FILIP1: variants seen among roughly 807,000 people sequenced by gnomAD.
FILIP1 encodes filamin A interacting protein 1.
FILIP1 carries 61 observed loss-of-function variants against 102.1 expected under a neutral mutation model. The ratio of observed to expected loss-of-function variants is 0.60; its 90% confidence interval spans 0.49 to 0.74. FILIP1 has a LOEUF of 0.74. Ranked by LOEUF, FILIP1 falls within the 30% of genes least tolerant of loss-of-function variation. FILIP1 has a pLI of 0.00. For synonymous variants in FILIP1, 491 were observed against 526.9 expected (o/e 0.93, Z 0.93); for missense variants, 1,314 against 1,441.2 (o/e 0.91, Z 1.43).
intron 2 of FILIP1, among the ~76,000 whole-genome samples, chr6:75,412,212 CTGTT>C (rs749925065): frequency 2.6e-5 from 4 of 152,128 alleles, no homozygotes; most frequent in Non-Finnish European, 4.4e-5. Flanking sequence ...ATTTGACTCT[CTGTT>C]TGTCTATTAT....
intron 1 of FILIP1, among the ~76,000 whole-genome samples, chr6:75,441,640 G>A (rs1395200433): frequency 6.8e-6 from 1 of 147,932 alleles, no homozygotes; most frequent in Admixed American, 6.6e-5. Context: ...CCCGGACGGG[G>A]CGGCTGGCCG....
intron 5 of FILIP1, among the ~76,000 whole-genome samples, chr6:75,311,209 GT>G (rs1239994863): frequency 1.3e-5 from 2 of 152,060 alleles, no homozygotes; most frequent in East Asian, 3.9e-4. Flanking sequence ...TTGAGACACG[GT>G]CTCACTCTGT....
intron 2 of FILIP1, among the ~76,000 whole-genome samples, chr6:75,380,907 T>C (rs767628001): frequency 5.9e-5 from 9 of 152,196 alleles, no homozygotes; most frequent in Admixed American, 3.3e-4. Context: ...GGTAGAATTA[T>C]GGATGATTAT....
intron 6 of FILIP1, among the ~76,000 whole-genome samples, chr6:75,298,491 A>G (rs778739470): frequency 7.2e-5 from 11 of 152,242 alleles, no homozygotes; most frequent in Admixed American, 3.3e-4. Context: ...TACTGGCTCT[A>G]TTAATTGAAA....
intron 1 of FILIP1, among the ~76,000 whole-genome samples, 159 bp downstream of exon 1, chr6:75,493,255 A>G (rs902395804): frequency 6.6e-6 from 1 of 152,248 alleles, no homozygotes; most frequent in South Asian, 2.1e-4. Flanking sequence ...TGACTTTTTA[A>G]AAATAATTCA....
At chr6:75,338,727 A>T (rs1774323992) in intron 4 of FILIP1, among the ~76,000 whole-genome samples, 1 of 152,212 alleles carries the variant, frequency 6.6e-6, no homozygotes, top group African/African-American at 2.4e-5. Flanking sequence ...CAGAATTCCC[A>T]GAGTTTTTTA....
chr6:75,414,908 GAGGGCTTGGGAC>G lies in FILIP1; in HGVS notation c.53_64del (p.Cys18_Pro21del). 2 of 1,613,818 alleles carry G rather than the reference GAGGGCTTGGGAC, an allele frequency of 1.2e-6. No homozygotes were observed. Among genetic ancestry groups the G allele is most frequent in the Non-Finnish European group, 1.7e-6 (2 of 1,179,860 alleles). ...TTTTTCACCAGCATTGCCGATGATG[GAGGGCTTGGGAC>G]AGGAGATATGCCCATCAGATGCACT... is the stretch of plus-strand genomic sequence containing the variant. On this transcript the variant is annotated inframe_deletion, in exon 2 of 6. Transcript: ENST00000237172.
At chr6:75,386,743 A>G (rs1482756919) in intron 2 of FILIP1, among the ~76,000 whole-genome samples, 4 of 152,172 alleles carry the variant, frequency 2.6e-5, no homozygotes, top group East Asian at 1.9e-4. Context: ...TGCAGCTGCT[A>G]AAGTGGAGGC....
chr6:75,370,010 G>T (rs1775462171), intron 2 of FILIP1, among the ~76,000 whole-genome samples: 1 of 152,176 alleles, frequency 6.6e-6, no homozygotes, highest in South Asian at 2.1e-4. Context: ...GCCAAAAGCT[G>T]TTGACTTTAA....
chr6:75,485,798 T>C (rs1779766844), intron 1 of FILIP1, among the ~76,000 whole-genome samples: 2 of 152,184 alleles, frequency 1.3e-5, no homozygotes, highest in South Asian at 2.1e-4. Flanking sequence ...CTGAAAAGCG[T>C]CAGGCAATTT....
chr6:75,390,781 C>A (rs1312993774), intron 2 of FILIP1, among the ~76,000 whole-genome samples: 4 of 152,168 alleles, frequency 2.6e-5, no homozygotes, highest in African/African-American at 9.7e-5. Flanking sequence ...ATGGGCCATT[C>A]AGTACCCCTG....
intron 4 of FILIP1, among the ~76,000 whole-genome samples, chr6:75,324,178 T>C (rs984073071): frequency 6.6e-6 from 1 of 152,102 alleles, no homozygotes; most frequent in African/African-American, 2.4e-5. Flanking sequence ...CTAGATCTGA[T>C]TAATGAATTC....
chr6:75,450,204 C>G (rs1280534519), intron 1 of FILIP1, among the ~76,000 whole-genome samples: 1 of 152,104 alleles, frequency 6.6e-6, no homozygotes, highest in East Asian at 1.9e-4. Context: ...TCTTGAACTC[C>G]TGGCCTGAAG....
intron 1 of FILIP1, among the ~76,000 whole-genome samples, chr6:75,472,789 A>G (rs750168882): frequency 6.6e-6 from 1 of 152,170 alleles, no homozygotes; most frequent in Non-Finnish European, 1.5e-5. Context: ...GATTTATTTA[A>G]GAAGAAATAT....
intron 1 of FILIP1, among the ~76,000 whole-genome samples, chr6:75,456,392 G>T (rs1219228497): frequency 6.6e-6 from 1 of 152,016 alleles, no homozygotes; most frequent in African/African-American, 2.4e-5. Context: ...TTGGCATCTA[G>T]CATATATTGC....
chr6:75,422,731 G>A (rs1020031471), intron 1 of FILIP1, among the ~76,000 whole-genome samples: 2 of 152,172 alleles, frequency 1.3e-5, no homozygotes, highest in Non-Finnish European at 2.9e-5. Context: ...ATAGACATTG[G>A]TGCAAAAGCA....
intron 2 of FILIP1, among the ~76,000 whole-genome samples, chr6:75,372,488 T>C (rs1775556185): frequency 6.7e-6 from 1 of 148,986 alleles, no homozygotes; most frequent in African/African-American, 2.5e-5. Flanking sequence ...TCAAAGAAGA[T>C]ATACAAGTGG....
At chr6:75,330,540 AGAG>A (rs201745856) in intron 4 of FILIP1, among the ~76,000 whole-genome samples, 2,246 of 152,282 alleles carry the variant, frequency 0.015, 44 homozygotes, top group African/African-American at 0.051. Flanking sequence ...AAAAATTGAA[AGAG>A]AAGAGAAAAA....
chr6:75,470,033 T>C (rs1386358460), intron 1 of FILIP1, among the ~76,000 whole-genome samples: 2 of 152,138 alleles, frequency 1.3e-5, no homozygotes, highest in Non-Finnish European at 2.9e-5. Context: ...CCACTGCTAC[T>C]GTTACTATTC....
Sources: allele counts gnomAD v4.1 joint callset (sites outside exome capture counted in the v4.1 genomes callset), GRCh38; gene constraint gnomAD v4.1.1; transcripts MANE v1.5; gene names NCBI Gene and HGNC (gene_info 2026-07-23, HGNC 2026-07-21).